The following ACO2 variants were observed in gnomAD, a reference collection of about 807,000 sequenced individuals.
The protein encoded by ACO2 is aconitase 2.
Under a neutral mutation model 84.5 loss-of-function variants are expected in ACO2, and 31 were observed. The ratio of observed to expected loss-of-function variants is 0.37; its 90% confidence interval spans 0.28 to 0.50. The LOEUF (loss-of-function observed/expected upper bound fraction) is 0.50, where lower values mean the gene tolerates loss of function less well. Ranked by LOEUF, ACO2 falls within the 20% of genes least tolerant of loss-of-function variation. The pLI is 0.97. For synonymous variants in ACO2, 414 were observed against 412.7 expected (o/e 1.00, Z -0.04); for missense variants, 685 against 1,029.3 (o/e 0.67, Z 4.58).
chr22:41,484,601 T>C (rs1164249495), intron 1 of ACO2, among the ~76,000 whole-genome samples: 1 of 151,940 alleles, frequency 6.6e-6, no homozygotes, highest in Non-Finnish European at 1.5e-5. Flanking sequence ...GGTCTTGAAC[T>C]CCTGAGCTCA....
chr22:41,504,711 CTTTTTTTTT>C (rs926246283), intron 2 of ACO2, among the ~76,000 whole-genome samples: 4 of 48,604 alleles, frequency 8.2e-5, no homozygotes, highest in Non-Finnish European at 1.6e-4. Flanking sequence ...ACCTTAGGGA[CTTTTTTTTT>C]TTTTTTTTTT....
chr22:41,499,649 C>A, intron 1 of ACO2, 77 bp from the exon 2 acceptor site: 1 of 1,486,800 alleles, frequency 6.7e-7, no homozygotes. Context: ...GGATTTTTTT[C>A]ACCATACTGA....
chr22:41,523,024 C>T, intron 10 of ACO2, 37 bp downstream of exon 10: 1 of 1,610,620 alleles, frequency 6.2e-7, no homozygotes, highest in Non-Finnish European at 8.5e-7. Context: ...CTCCCCCACC[C>T]CATGCTGAGT....
chr22:41,518,111 G>A (rs115320762), intron 7 of ACO2, among the ~76,000 whole-genome samples: 1 of 152,224 alleles, frequency 6.6e-6, no homozygotes. Flanking sequence ...GTGGTGCGTT[G>A]TGGGAGTGAA....
intron 11 of ACO2, among the ~76,000 whole-genome samples, chr22:41,523,533 C>G (rs2066545092): frequency 6.6e-6 from 1 of 152,254 alleles, no homozygotes; most frequent in African/African-American, 2.4e-5. Context: ...CGGCCTCACC[C>G]TGACGGACAC....
chr22:41,522,937 A>G lies in ACO2; in HGVS notation c.1246A>G (p.Ile416Val). Residue 416 changes from isoleucine to valine, a missense_variant, in exon 10 of 18, where the codon ATC becomes GTC. Around this residue, in one of 5 missense-constraint regions of ACO2, gnomAD observed 311 missense variants for 441.6 expected, o/e 0.70. Transcript: ENST00000216254. ...HGLKCKSQFT[I>V]TPGSEQIRAT... Reference sequence around the variant, plus strand: ...CCTCAAGTGCAAGTCCCAGTTCACCATCACTCCAGGTTCCGAGCAGATCCG... The same window carrying G: ...CCTCAAGTGCAAGTCCCAGTTCACCGTCACTCCAGGTTCCGAGCAGATCCG... The G allele has an allele frequency of 1.9e-6, 3 of 1,614,238 alleles. No individual in the cohort carries two copies. The highest frequency in any genetic ancestry group is 2.5e-6 in the Non-Finnish European group (3 of 1,180,044).
intron 3 of ACO2, among the ~76,000 whole-genome samples, chr22:41,511,399 T>A (rs1297088088): frequency 1.3e-5 from 2 of 152,230 alleles, no homozygotes; most frequent in Non-Finnish European, 2.9e-5. Context: ...CTTGAACTCC[T>A]GACCTCAAGT....
intron 1 of ACO2, among the ~76,000 whole-genome samples, chr22:41,475,619 A>G (rs978566482): frequency 3.3e-4 from 50 of 151,948 alleles, no homozygotes; most frequent in African/African-American, 1.2e-3. Flanking sequence ...AATGGGCCGG[A>G]CGTGGTGGCT....
At chr22:41,517,811 G>T (rs1294475745) in intron 7 of ACO2, among the ~76,000 whole-genome samples, 180 bp downstream of exon 7, 1 of 152,218 alleles carries the variant, frequency 6.6e-6, no homozygotes, top group Non-Finnish European at 1.5e-5. Flanking sequence ...ATTGTCTGGA[G>T]CTCTCTCCAG....
At chr22:41,489,505 C>T (rs1369234867) in intron 1 of ACO2, among the ~76,000 whole-genome samples, 1 of 152,198 alleles carries the variant, frequency 6.6e-6, no homozygotes, top group Non-Finnish European at 1.5e-5. Context: ...CACCCCCGCT[C>T]CCTGCCCCAG....
chr22:41,502,522 A>G (rs2066360585), intron 2 of ACO2, among the ~76,000 whole-genome samples: 2 of 152,338 alleles, frequency 1.3e-5, no homozygotes, highest in Middle Eastern at 3.4e-3. Context: ...GAAAAGTGAT[A>G]GATTTTTCTT....
At chr22:41,521,282 A>G (rs1241094643) in intron 9 of ACO2, 3 of 152,192 alleles carry the variant, frequency 2.0e-5, no homozygotes, top group Non-Finnish European at 4.4e-5. Flanking sequence ...GTGACTTTTC[A>G]TGCTTTACAC....
chr22:41,525,428 C>G, intron 14 of ACO2, 80 bp downstream of exon 14: 1 of 1,556,954 alleles, frequency 6.4e-7, no homozygotes, highest in Non-Finnish European at 8.7e-7. Context: ...GGCCATGAAC[C>G]TGGAGGAAGT....
intron 14 of ACO2, 125 bp from the exon 15 acceptor site, chr22:41,526,136 TG>T (rs2066589804): frequency 2.6e-6 from 2 of 769,434 alleles, no homozygotes; most frequent in Middle Eastern, 3.9e-4. Flanking sequence ...TCTGAAGACT[TG>T]CCTGCCTCTC....
At chr22:41,503,798 A>T (rs556839763) in intron 2 of ACO2, among the ~76,000 whole-genome samples, 1 of 152,322 alleles carries the variant, frequency 6.6e-6, no homozygotes, top group East Asian at 1.9e-4. Flanking sequence ...ACTACCAAGC[A>T]TCCTACAGCG....
At chr22:41,504,709 G>GA (rs35948127) in intron 2 of ACO2, among the ~76,000 whole-genome samples, 32,284 of 107,650 alleles carry the variant, frequency 0.3, 7,915 homozygotes, top group African/African-American at 0.56. Flanking sequence ...GCACCTTAGG[G>GA]ACTTTTTTTT....
intron 12 of ACO2, 127 bp from the exon 13 acceptor site, chr22:41,524,719 C>T (rs2066562924): frequency 6.9e-7 from 1 of 1,448,726 alleles, no homozygotes; most frequent in Non-Finnish European, 9.5e-7. Flanking sequence ...CTGAGGAACA[C>T]AGGGGTCTGG....
Position 41,525,212 on chromosome 22 carries a change from A to C in ACO2, c.1625A>C (p.Asp542Ala), listed in dbSNP as rs1026844498. Residue 542 changes from aspartate (D) to alanine (A), a missense_variant, in exon 14 of 18, where the codon GAC becomes GCC. Coordinates refer to ENST00000216254, the MANE Select transcript of ACO2 (RefSeq NM_001098.3). Reference protein sequence around the residue: ...LPKGEFDPGQDTYQHPPKDSS... With the variant: ...LPKGEFDPGQATYQHPPKDSS... ...CTGCAGGAGTTTGACCCAGGGCAGG[A>C]CACCTACCAGCACCCACCCAAGGAC... 17 of 1,613,936 alleles carry C rather than the reference A, an allele frequency of 1.1e-5. No homozygotes were observed. Among genetic ancestry groups the C allele is most frequent in the Non-Finnish European group, 1.4e-5 (16 of 1,179,984 alleles).
At chr22:41,495,680 A>G (rs1262151944) in intron 1 of ACO2, among the ~76,000 whole-genome samples, 1 of 147,640 alleles carries the variant, frequency 6.8e-6, no homozygotes, top group Non-Finnish European at 1.5e-5. Context: ...GAGTGCAGTG[A>G]TGTGATCTCG....
Sources: gnomAD v4.1 joint callset for allele counts (sites outside exome capture counted in the v4.1 genomes callset) on GRCh38, gnomAD v4.1.1 for gene constraint, gnomAD v4.1.1 regional missense constraint, MANE v1.5 for transcripts, NCBI Gene and HGNC (gene_info 2026-07-23, HGNC 2026-07-21) for gene names.